The following WWTR1 variants were observed in gnomAD, a reference collection of about 807,000 sequenced individuals.
WWTR1 encodes the protein WW domain containing transcription regulator 1, also known as WW domain-containing transcription regulator protein 1.
WWTR1 carries 13 observed loss-of-function variants against 40.1 expected under a neutral mutation model. The observed-to-expected ratio is 0.32, with a 90% CI of 0.21 to 0.52. The LOEUF is 0.52. Among genes scored for constraint, WWTR1 ranks in the 20% least tolerant of loss-of-function variants. The probability of loss-of-function intolerance (pLI) is 0.97; values close to 1 mark genes in which losing one functional copy is unlikely to be tolerated. For missense variants in WWTR1, 436 were observed against 523.1 expected, an observed-to-expected ratio of 0.83 and a Z score of 1.63; for synonymous variants, 230 against 210.1, an observed-to-expected ratio of 1.09 and a Z score of -0.82.
chr3:149,550,689 ACT>A (rs1553790150), intron 3 of WWTR1, among the ~76,000 whole-genome samples: 2,502 of 147,950 alleles, frequency 0.017, 254 homozygotes, highest in African/African-American at 0.023. Flanking sequence ...AGAATGAGGG[ACT>A]GCTGTTCAAG....
chr3:149,627,461 G>A (rs535169756), intron 2 of WWTR1, among the ~76,000 whole-genome samples: 7 of 152,304 alleles, frequency 4.6e-5, no homozygotes, highest in Non-Finnish European at 1.0e-4. Context: ...GGAAGCCTGA[G>A]AGAAAGGAAG....
At chr3:149,667,272 C>T (rs1004444774) in intron 2 of WWTR1, among the ~76,000 whole-genome samples, 21 of 151,912 alleles carry the variant, frequency 1.4e-4, no homozygotes, top group Admixed American at 2.0e-4. Flanking sequence ...TGGGGCCGGG[C>T]GCAGTGGCTC....
chr3:149,591,931 G>A (rs1461394091), intron 2 of WWTR1, among the ~76,000 whole-genome samples: 1 of 152,198 alleles, frequency 6.6e-6, no homozygotes, highest in Non-Finnish European at 1.5e-5. Context: ...AAGTCATTGT[G>A]AATTCAGCAA....
At chr3:149,543,346 G>T (rs991346707) in intron 3 of WWTR1, among the ~76,000 whole-genome samples, 2 of 151,942 alleles carry the variant, frequency 1.3e-5, no homozygotes, top group Non-Finnish European at 2.9e-5. Context: ...ACTTTGGAAG[G>T]CCAAGGCGAA....
intron 4 of WWTR1, among the ~76,000 whole-genome samples, chr3:149,540,507 G>A (rs955729659): frequency 1.3e-5 from 2 of 152,160 alleles, no homozygotes; most frequent in African/African-American, 2.4e-5. Context: ...ACTCACTAAA[G>A]CTCATTTAAG....
chr3:149,672,276 G>A (rs1390001111), intron 1 of WWTR1, among the ~76,000 whole-genome samples: 2 of 152,128 alleles, frequency 1.3e-5, no homozygotes, highest in Non-Finnish European at 2.9e-5. Context: ...TTCTCAATTC[G>A]TGTAGCTGGT....
intron 3 of WWTR1, among the ~76,000 whole-genome samples, chr3:149,552,529 C>G (rs1239002753): frequency 6.6e-6 from 1 of 152,212 alleles, no homozygotes; most frequent in Non-Finnish European, 1.5e-5. Context: ...TAACCCTTAC[C>G]TCTAGAGTTT....
At chr3:149,642,480 T>C (rs1004921186) in intron 2 of WWTR1, among the ~76,000 whole-genome samples, 5 of 149,080 alleles carry the variant, frequency 3.4e-5, no homozygotes, top group African/African-American at 1.2e-4. Context: ...GATATAATTT[T>C]GTAAGAGAAA....
At position 149,558,541 on chromosome 3, in the gene WWTR1, C is replaced by A. The variant is rs991513236; in HGVS notation, c.568+14323G>T. On this transcript the variant is annotated intron_variant, in intron 3 of 6. Transcript: ENST00000360632. Reference sequence around the variant, plus strand: ...GCACAAGCATGCTCTGCTGCCCCCACCCCACCTTCCATAGACACTACCTTC... The same window carrying A: ...GCACAAGCATGCTCTGCTGCCCCCAACCCACCTTCCATAGACACTACCTTC... Among the ~76,000 whole-genome samples the A allele has an allele frequency of 8.5e-5, 13 of 152,300 alleles. 1 individual carries two copies. The highest frequency in any genetic ancestry group is 5.9e-4 in the Admixed American group (9 of 15,300).
intron 2 of WWTR1, among the ~76,000 whole-genome samples, chr3:149,642,688 T>A (rs921791395): frequency 6.8e-6 from 1 of 147,590 alleles, no homozygotes; most frequent in African/African-American, 2.5e-5. Flanking sequence ...GGCAGGAGAA[T>A]GGCCGGAACC....
intron 1 of WWTR1, among the ~76,000 whole-genome samples, chr3:149,682,738 C>G (rs1480024593): frequency 2.0e-5 from 3 of 152,202 alleles, no homozygotes; most frequent in Admixed American, 2.0e-4. Flanking sequence ...TGCCTCCTTA[C>G]TTAGTCCTTA....
intron 3 of WWTR1, among the ~76,000 whole-genome samples, chr3:149,569,667 A>G (rs1411699120): frequency 1.3e-5 from 2 of 152,258 alleles, no homozygotes; most frequent in Non-Finnish European, 2.9e-5. Context: ...CTATCATCTG[A>G]TAGTAATGCT....
intron 3 of WWTR1, among the ~76,000 whole-genome samples, chr3:149,552,542 T>C (rs1736656368): frequency 6.6e-6 from 1 of 152,342 alleles, no homozygotes. Context: ...TAGAGTTTCA[T>C]AGGGGAATAT....
chr3:149,652,679 A>T (rs1466652279), intron 2 of WWTR1, among the ~76,000 whole-genome samples: 6 of 146,272 alleles, frequency 4.1e-5, no homozygotes, highest in Admixed American at 6.9e-5. Flanking sequence ...ATGATTATTT[A>T]AAAAAGGTGA....
At chr3:149,554,443 C>G (rs552406476) in intron 3 of WWTR1, among the ~76,000 whole-genome samples, 1 of 152,188 alleles carries the variant, frequency 6.6e-6, no homozygotes, top group Non-Finnish European at 1.5e-5. Context: ...TGCTATCCTG[C>G]CTGCCCATCC....
chr3:149,610,199 A>G (rs1739669583), intron 2 of WWTR1, among the ~76,000 whole-genome samples: 1 of 152,212 alleles, frequency 6.6e-6, no homozygotes, highest in Non-Finnish European at 1.5e-5. Flanking sequence ...TAATATCCAT[A>G]CTTAAATTTT....
At chr3:149,685,506 C>T (rs1260563645) in intron 1 of WWTR1, among the ~76,000 whole-genome samples, 1 of 152,202 alleles carries the variant, frequency 6.6e-6, no homozygotes, top group Admixed American at 6.6e-5. Context: ...CTGTATCCTT[C>T]CTTAGCTAGC....
intron 1 of WWTR1, among the ~76,000 whole-genome samples, chr3:149,693,041 T>C (rs1714874081): frequency 1.3e-5 from 2 of 152,176 alleles, no homozygotes; most frequent in Non-Finnish European, 2.9e-5. Context: ...GAAGTCAAAT[T>C]ATCCTTGTTT....
rs397789319 is a variant in WWTR1 at position 149,519,977 on chromosome 3, A to AC, written c.*827dup. 6.6e-6 allele frequency: 1 copy of AC among 151,732 alleles called. No individual in the cohort carries two copies. Among genetic ancestry groups the AC allele is most frequent in the East Asian group, 1.9e-4 (1 of 5,180 alleles). 9.4% of individuals were successfully genotyped at this position (151,732 alleles called of 1,614,324 possible). A position where few individuals can be genotyped will look rare whatever the true frequency, so the allele number is the denominator to read the frequency against. On this transcript the variant is annotated 3_prime_UTR_variant, in exon 7 of 7. Transcript: ENST00000360632. ...ACAAACAACATCAAGAAAAAAAAAA[A>AC]CCATCAGATTCTAAGCTGCAATTTT...
Sources: gnomAD v4.1 joint callset for allele counts (sites outside exome capture counted in the v4.1 genomes callset) on GRCh38, gnomAD v4.1.1 for gene constraint, MANE v1.5 for transcripts, NCBI Gene and HGNC (gene_info 2026-07-23, HGNC 2026-07-21) for gene names.